Variants in CEP128 observed in about 807,000 individuals in gnomAD.
CEP128 encodes the protein centrosomal protein 128.
Under a neutral mutation model 156.7 loss-of-function variants are expected in CEP128, and 132 were observed. The ratio of observed to expected loss-of-function variants is 0.84; its 90% CI spans 0.73 to 0.97. CEP128 has a LOEUF of 0.97. Among genes scored for constraint, CEP128 ranks in the 50% least tolerant of loss-of-function variants. The pLI, the probability that CEP128 is intolerant of heterozygous loss-of-function variation, is 0.00. For synonymous variants in CEP128, 469 were observed against 448.9 expected (o/e 1.04, Z -0.57); for missense variants, 1,252 against 1,281.9 (o/e 0.98, Z 0.36).
At chr14:80,917,197 T>C (rs1162259882) in intron 2 of CEP128, among the ~76,000 whole-genome samples, 1 of 152,204 alleles carries the variant, frequency 6.6e-6, no homozygotes, top group Non-Finnish European at 1.5e-5. Context: ...AGTATATGCA[T>C]CAGTAGATAA....
At chr14:80,760,958 G>C (rs749169056) in intron 17 of CEP128, among the ~76,000 whole-genome samples, 2 of 152,098 alleles carry the variant, frequency 1.3e-5, no homozygotes, top group Admixed American at 6.5e-5. Context: ...CCAAGGGCAA[G>C]TTACTTAAAC....
intron 12 of CEP128, among the ~76,000 whole-genome samples, chr14:80,835,801 T>C (rs1302166773): frequency 6.6e-6 from 1 of 152,198 alleles, no homozygotes. Context: ...GTACTGACTT[T>C]AATTTCTCTT....
intron 19 of CEP128, among the ~76,000 whole-genome samples, chr14:80,675,583 T>C (rs567189489): frequency 2.0e-5 from 3 of 152,200 alleles, no homozygotes; most frequent in African/African-American, 4.8e-5. Context: ...CTTTAGCTCA[T>C]TTTTGATTGA....
At chr14:80,873,259 G>C (rs537460834) in intron 8 of CEP128, among the ~76,000 whole-genome samples, 1 of 152,286 alleles carries the variant, frequency 6.6e-6, no homozygotes, top group South Asian at 2.1e-4. Flanking sequence ...ATGTGATATG[G>C]AGTCATTCTT....
Position 80,785,462 on chromosome 14 carries a change from ATCAT to A in CEP128, c.1640_1643del (p.Asn547MetfsTer3). 1 of 1,613,914 alleles carries A rather than the reference ATCAT, an allele frequency of 6.2e-7. No individual in the cohort carries two copies. Among genetic ancestry groups the A allele is most frequent in the Non-Finnish European group, 8.5e-7 (1 of 1,179,882 alleles). On this transcript the variant is annotated frameshift_variant, in exon 15 of 25. Coordinates refer to ENST00000555265, the MANE Select transcript of CEP128 (RefSeq NM_152446.5). LOFTEE classifies it high-confidence loss of function. The stretch of plus-strand genomic sequence containing the variant: ...CCTGAAGGGCACGCTTTGTTAGGAC[ATCAT>A]TCAATTCCTTTCGAAGATTCTCTAT...
At chr14:80,643,719 G>A (rs112647367) in intron 19 of CEP128, among the ~76,000 whole-genome samples, 9,311 of 95,506 alleles carry the variant, frequency 0.097, 322 homozygotes, top group African/African-American at 0.17. Context: ...CAAAAAAATC[G>A]TGGTGGTACA....
At chr14:80,618,530 C>CA (rs1004533262) in intron 19 of CEP128, among the ~76,000 whole-genome samples, 1 of 152,144 alleles carries the variant, frequency 6.6e-6, no homozygotes, top group Non-Finnish European at 1.5e-5. Context: ...CCTGGATGCT[C>CA]AAACAGTCAA....
At chr14:80,678,453 G>T (rs1896180011) in intron 19 of CEP128, among the ~76,000 whole-genome samples, 1 of 151,868 alleles carries the variant, frequency 6.6e-6, no homozygotes, top group African/African-American at 2.4e-5. Flanking sequence ...CAGATTAGAG[G>T]CTTTTAGCAT....
chr14:80,606,024 A>G (rs1320350249), intron 19 of CEP128, among the ~76,000 whole-genome samples: 1 of 151,770 alleles, frequency 6.6e-6, no homozygotes, highest in Non-Finnish European at 1.5e-5. Flanking sequence ...AAAATTTTTA[A>G]ATTAGTGTTT....
At chr14:80,941,767 A>AC (rs886558244), upstream of CEP128, 1 of 152,552 alleles carries the variant, frequency 6.6e-6, no homozygotes, top group Admixed American at 6.6e-5. Context: ...AGAGTACAGG[A>AC]CCCCGCTGCC....
chr14:80,577,310 T>C (rs149214295), intron 20 of CEP128, among the ~76,000 whole-genome samples: 180 of 152,238 alleles, frequency 1.2e-3, no homozygotes, highest in African/African-American at 4.3e-3. Flanking sequence ...AAATTCTGCA[T>C]GTTCAGATCA....
At chr14:80,481,004 C>G (rs1362969029) in intron 14 of CEP128, among the ~76,000 whole-genome samples, 1 of 152,190 alleles carries the variant, frequency 6.6e-6, no homozygotes, top group Non-Finnish European at 1.5e-5. Context: ...CCCACATTTT[C>G]CTGTTTCCTT....
chr14:80,685,472 A>G (rs966103565), intron 19 of CEP128, among the ~76,000 whole-genome samples: 1 of 152,176 alleles, frequency 6.6e-6, no homozygotes, highest in African/African-American at 2.4e-5. Flanking sequence ...AAAACATTCC[A>G]TGCTCATGAA....
intron 16 of CEP128, among the ~76,000 whole-genome samples, chr14:80,773,806 T>C (rs751146678): frequency 6.6e-6 from 1 of 152,158 alleles, no homozygotes; most frequent in Non-Finnish European, 1.5e-5. Flanking sequence ...AAGATTCTTC[T>C]GAAACAAAAG....
At chr14:80,775,895 C>T (rs1051597119) in intron 16 of CEP128, among the ~76,000 whole-genome samples, 8 of 152,148 alleles carry the variant, frequency 5.3e-5, no homozygotes, top group East Asian at 1.9e-4. Flanking sequence ...TGCAGTGGCA[C>T]GATCTCGGCT....
At chr14:80,600,840 A>C (rs1025452106) in intron 19 of CEP128, among the ~76,000 whole-genome samples, 7 of 152,158 alleles carry the variant, frequency 4.6e-5, no homozygotes, top group Admixed American at 4.6e-4. Context: ...AGTATATGAT[A>C]TAATCTGTAT....
At position 80,785,420 on chromosome 14, in the gene CEP128, G is replaced by A; in HGVS notation, c.1686C>T (p.Ser562=). Residue 562 remains serine, a synonymous_variant, in exon 15 of 25, where the codon TCC becomes TCT. Coordinates refer to ENST00000555265, the MANE Select transcript of CEP128 (RefSeq NM_152446.5). ...TAATATCACGTAATTTCTCCTCCTT[G>A]GAGTGAAGCTCCTCCTCCTGAAGGG... ...KRALQEEELH[S]KEEKLRDIKS... 1 of 1,613,960 alleles carries A rather than the reference G, an allele frequency of 6.2e-7. No individual in the cohort carries two copies.
intron 19 of CEP128, among the ~76,000 whole-genome samples, chr14:80,617,904 G>T (rs1010397590): frequency 2.6e-5 from 4 of 152,192 alleles, no homozygotes; most frequent in African/African-American, 9.6e-5. Context: ...GGCTGCATGG[G>T]TTCAAATCCC....
intron 20 of CEP128, among the ~76,000 whole-genome samples, chr14:80,572,965 C>T (rs1891207852): frequency 6.6e-6 from 1 of 152,166 alleles, no homozygotes; most frequent in Non-Finnish European, 1.5e-5. Context: ...CTCTGTTGGC[C>T]AGGCTAGAGT....
Sources: gnomAD v4.1 joint callset for allele counts (sites outside exome capture counted in the v4.1 genomes callset) on GRCh38, gnomAD v4.1.1 for gene constraint, MANE v1.5 for transcripts, NCBI Gene and HGNC (gene_info 2026-07-23, HGNC 2026-07-21) for gene names.